Variants in ARHGAP8 observed in about 807,000 individuals in gnomAD.
ARHGAP8 encodes Rho GTPase activating protein 8, also known as rho GTPase-activating protein 8.
In ARHGAP8, 62 loss-of-function variants were observed where a neutral mutation model predicts 46.1. That is an observed-to-expected ratio of 1.34 (90% CI 1.10 to 1.66). The LOEUF is 1.66. Among genes scored for constraint, ARHGAP8 ranks in the 40% most tolerant of loss-of-function variants. The pLI is 0.00. For missense variants in ARHGAP8, 923 were observed against 568.4 expected (o/e 1.62, Z -6.34); for synonymous variants, 375 against 243.1 (o/e 1.54, Z -5.05).
chr22:44,768,442 G>A (rs1925755518), intron 1 of ARHGAP8, among the ~76,000 whole-genome samples: 2 of 151,136 alleles, frequency 1.3e-5, no homozygotes, highest in African/African-American at 2.4e-5. Context: ...TGAGACTACA[G>A]GTGCACACCA....
intron 1 of ARHGAP8, among the ~76,000 whole-genome samples, chr22:44,774,849 C>T (rs1012807764): frequency 3.3e-5 from 5 of 150,974 alleles, no homozygotes; most frequent in Non-Finnish European, 5.9e-5. Flanking sequence ...GGGCGGGGGG[C>T]GGATGGAGTC....
At chr22:44,861,180 C>A (rs1319319864) in intron 11 of ARHGAP8, among the ~76,000 whole-genome samples, 1 of 152,144 alleles carries the variant, frequency 6.6e-6, no homozygotes, top group Non-Finnish European at 1.5e-5. Context: ...TCACATTGGC[C>A]AGGCTGATCT....
intron 7 of ARHGAP8, among the ~76,000 whole-genome samples, chr22:44,834,552 C>T (rs576743000): frequency 6.6e-5 from 10 of 152,202 alleles, no homozygotes; most frequent in African/African-American, 1.7e-4. Context: ...GAATATTCAA[C>T]GGACACATGA....
At chr22:44,762,115 G>C (rs1207519815) in intron 1 of ARHGAP8, among the ~76,000 whole-genome samples, 2 of 152,240 alleles carry the variant, frequency 1.3e-5, no homozygotes, top group Non-Finnish European at 2.9e-5. Context: ...AGGACAGACA[G>C]GAGCTGACCT....
At chr22:44,784,869 TTGAC>T (rs969754732) in intron 1 of ARHGAP8, among the ~76,000 whole-genome samples, 2 of 152,206 alleles carry the variant, frequency 1.3e-5, no homozygotes, top group Non-Finnish European at 2.9e-5. Context: ...TGCATATTTG[TTGAC>T]TGACTGGAAG....
At chr22:44,786,639 T>C (rs376175023) in intron 2 of ARHGAP8, 33 bp downstream of exon 2, 239 of 1,598,548 alleles carry the variant, frequency 1.5e-4, no homozygotes, top group Non-Finnish European at 1.9e-4. Flanking sequence ...TGCAGGACCA[T>C]GGGCAGAGCA....
intron 11 of ARHGAP8, among the ~76,000 whole-genome samples, chr22:44,861,682 G>C (rs944091373): frequency 6.6e-6 from 1 of 152,168 alleles, no homozygotes; most frequent in African/African-American, 2.4e-5. Context: ...TGGTCCACAT[G>C]GCCCCCTGCC....
chr22:44,796,545 A>G (rs57924118), intron 2 of ARHGAP8, among the ~76,000 whole-genome samples: 4 of 151,922 alleles, frequency 2.6e-5, no homozygotes, highest in East Asian at 3.9e-4. Context: ...GTGGCCTGTG[A>G]TCCCATCAAT....
chr22:44,781,464 C>A (rs1235925147), intron 1 of ARHGAP8, among the ~76,000 whole-genome samples: 1 of 152,078 alleles, frequency 6.6e-6, no homozygotes, highest in African/African-American at 2.4e-5. Flanking sequence ...TAGTGCTTCC[C>A]ATGTACTGTA....
At chr22:44,844,361 T>A (rs927265196) in intron 7 of ARHGAP8, among the ~76,000 whole-genome samples, 2 of 152,198 alleles carry the variant, frequency 1.3e-5, no homozygotes, top group African/African-American at 4.8e-5. Context: ...AAGGAACAGA[T>A]AACAAATAGT....
chr22:44,768,290 C>T (rs1266860766), intron 1 of ARHGAP8, among the ~76,000 whole-genome samples: 1 of 150,062 alleles, frequency 6.7e-6, no homozygotes, highest in Admixed American at 6.6e-5. Context: ...CCACCGCGTG[C>T]GGCCTCATTT....
chr22:44,829,162 A>C (rs1226769753), intron 7 of ARHGAP8, among the ~76,000 whole-genome samples: 1 of 147,858 alleles, frequency 6.8e-6, no homozygotes, highest in Admixed American at 6.8e-5. Flanking sequence ...ATGGTGTCAC[A>C]CACCTGTAAT....
At position 44,838,163 on chromosome 22, in the gene ARHGAP8, A is replaced by C. The variant is rs185383436; in HGVS notation, c.597-7106A>C. On this transcript the variant is annotated intron_variant, in intron 7 of 11. Transcript: ENST00000356099. ...TAATTTTTTTTTTTTTTGAAGACGGAGTCTTGCTCTGTTGCCCAGGCTGGA... is the reference window on the plus strand; with the variant it reads ...TAATTTTTTTTTTTTTTGAAGACGGCGTCTTGCTCTGTTGCCCAGGCTGGA... 4.4e-4 allele frequency among the ~76,000 whole-genome samples: 62 copies of C among 141,054 alleles called. 1 individual carries two copies. The highest frequency in any genetic ancestry group is 1.6e-3 in the African/African-American group (59 of 36,554). 92.5% of individuals were successfully genotyped at this position (141,054 alleles called of 152,430 possible). A position where few individuals can be genotyped will look rare whatever the true frequency, so the allele number is the denominator to read the frequency against.
intron 1 of ARHGAP8, among the ~76,000 whole-genome samples, chr22:44,755,234 C>G (rs912064690): frequency 6.6e-6 from 1 of 152,190 alleles, no homozygotes; most frequent in Admixed American, 6.5e-5. Context: ...TACAGTGTTC[C>G]CCGTGTCCCC....
Position 44,858,153 on chromosome 22 carries a change from T to C in ARHGAP8, c.878-1578T>C, listed in dbSNP as rs117848788. On this transcript the variant is annotated intron_variant, in intron 10 of 11. Coordinates refer to ENST00000356099, the MANE Select transcript of ARHGAP8 (RefSeq NM_181335.3). ...ATTAAGAAGCCAACAGGAATGATCA[T>C]AGTGGGGAGTCTTGTGTCCTGGCAG... is the stretch of plus-strand genomic sequence containing the variant. Among the ~76,000 whole-genome samples, 1,132 of 152,252 alleles carry C rather than the reference T, an allele frequency of 7.4e-3. 2 individuals carry two copies. The highest frequency in any genetic ancestry group is 9.7e-3 in the Non-Finnish European group (657 of 68,016).
At chr22:44,861,169 G>C (rs926510709) in intron 11 of ARHGAP8, among the ~76,000 whole-genome samples, 2 of 152,010 alleles carry the variant, frequency 1.3e-5, no homozygotes, top group Non-Finnish European at 2.9e-5. Context: ...ATGGGGTTTC[G>C]TCACATTGGC....
At chr22:44,833,116 A>G (rs538117358) in intron 7 of ARHGAP8, among the ~76,000 whole-genome samples, 1 of 44,048 alleles carries the variant, frequency 2.3e-5, no homozygotes, top group East Asian at 5.8e-4. Flanking sequence ...TTTTTTTTTG[A>G]GATAGAGTCT....
chr22:44,826,304 C>T lies in ARHGAP8; in HGVS notation c.596+711C>T, dbSNP rs138876164. Among the ~76,000 whole-genome samples, 114 of 152,278 alleles carry T rather than the reference C, an allele frequency of 7.5e-4. 2 individuals carry two copies. The East Asian group carries it at 0.017, about 23-fold the overall frequency. On this transcript the variant is annotated intron_variant, in intron 7 of 11. Transcript: ENST00000356099. ...AAGACAGGCTTGTGCTGGGCTCAGC[C>T]GCTGAGATTTAAGGGTCATTGTTAC...
chr22:44,832,964 TAA>T (rs201345955), intron 7 of ARHGAP8, among the ~76,000 whole-genome samples: 2 of 149,448 alleles, frequency 1.3e-5, no homozygotes, highest in East Asian at 2.3e-4. Context: ...CTGTGTCTAT[TAA>T]AAACACACAC....
Sources: gnomAD v4.1 joint callset for allele counts (sites outside exome capture counted in the v4.1 genomes callset) on GRCh38, gnomAD v4.1.1 for gene constraint, MANE v1.5 for transcripts, NCBI Gene and HGNC (gene_info 2026-07-23, HGNC 2026-07-21) for gene names.